The following MTUS2 variants were observed in gnomAD, a reference collection of about 807,000 sequenced individuals.
MTUS2 encodes microtubule associated scaffold protein 2, also known as microtubule-associated tumor suppressor candidate 2.
In MTUS2, 40 loss-of-function variants were observed where a neutral mutation model predicts 114.1. The observed-to-expected ratio is 0.35, with a 90% CI of 0.27 to 0.46. MTUS2 has a LOEUF of 0.46. Among genes scored for constraint, MTUS2 ranks in the 20% least tolerant of loss-of-function variants. The pLI is 1.00. For synonymous variants in MTUS2, 688 were observed against 672.0 expected, an observed-to-expected ratio of 1.02 and a Z score of -0.37; for missense variants, 1,679 against 1,705.4, an observed-to-expected ratio of 0.98 and a Z score of 0.27.
chr13:29,214,622 T>G (rs1895603379), intron 5 of MTUS2, among the ~76,000 whole-genome samples: 1 of 152,216 alleles, frequency 6.6e-6, no homozygotes, highest in Non-Finnish European at 1.5e-5. Context: ...CTTATGAAGC[T>G]TAGTTTGCCT....
chr13:29,359,113 G>A, intron 7 of MTUS2, 149 bp from the exon 8 acceptor site: 1 of 776,724 alleles, frequency 1.3e-6, no homozygotes, highest in Non-Finnish European at 2.0e-6. Flanking sequence ...GTCCCTGACT[G>A]TTTTTTCTTT....
At chr13:28,972,481 A>G (rs1372125949) in intron 2 of MTUS2, among the ~76,000 whole-genome samples, 1 of 152,250 alleles carries the variant, frequency 6.6e-6, no homozygotes, top group Non-Finnish European at 1.5e-5. Context: ...AATAAACAGT[A>G]TGCATTTGGA....
intron 8 of MTUS2, among the ~76,000 whole-genome samples, chr13:29,417,239 C>T (rs867193476): frequency 6.6e-6 from 1 of 152,074 alleles, no homozygotes; most frequent in Non-Finnish European, 1.5e-5. Context: ...ATTAAATGAC[C>T]AGCTCTCATG....
chr13:28,905,960 A>G (rs1426986152), intron 2 of MTUS2, among the ~76,000 whole-genome samples: 2 of 151,394 alleles, frequency 1.3e-5, no homozygotes, highest in African/African-American at 2.4e-5. Context: ...CAGAGATGCA[A>G]CTTCTTCCTG....
intron 5 of MTUS2, among the ~76,000 whole-genome samples, chr13:29,124,871 G>A (rs1031923035): frequency 7.2e-5 from 11 of 152,186 alleles, no homozygotes; most frequent in African/African-American, 2.7e-4. Context: ...CTAATAGGAG[G>A]TACCTGGAGT....
At chr13:29,370,828 G>A (rs535193897) in intron 8 of MTUS2, among the ~76,000 whole-genome samples, 278 of 152,296 alleles carry the variant, frequency 1.8e-3, no homozygotes, top group African/African-American at 6.5e-3. Flanking sequence ...GAAGTAAAGG[G>A]ATGGAGAAAC....
intron 9 of MTUS2, among the ~76,000 whole-genome samples, chr13:29,461,997 G>A (rs1879531324): frequency 6.6e-6 from 1 of 152,148 alleles, no homozygotes; most frequent in African/African-American, 2.4e-5. Flanking sequence ...AGGGAGCTGG[G>A]AGAAGGGATT....
At chr13:29,495,425 C>G (rs1436072664) in intron 12 of MTUS2, among the ~76,000 whole-genome samples, 2 of 148,702 alleles carry the variant, frequency 1.3e-5, no homozygotes, top group African/African-American at 4.9e-5. Flanking sequence ...AAGAAACCTA[C>G]TCAGGGAGGT....
intron 5 of MTUS2, among the ~76,000 whole-genome samples, chr13:29,239,108 C>T (rs1449984592): frequency 2.0e-5 from 3 of 152,162 alleles, no homozygotes; most frequent in African/African-American, 2.4e-5. Flanking sequence ...CAAGTGTTCT[C>T]ACCACAGACA....
chr13:28,962,693 A>G (rs1412001366), intron 2 of MTUS2, among the ~76,000 whole-genome samples: 1 of 152,082 alleles, frequency 6.6e-6, no homozygotes, highest in Non-Finnish European at 1.5e-5. Flanking sequence ...TCTTAGATTC[A>G]TTATTATTTT....
At chr13:29,314,846 T>C (rs961324374) in intron 6 of MTUS2, among the ~76,000 whole-genome samples, 3 of 152,332 alleles carry the variant, frequency 2.0e-5, no homozygotes, top group Admixed American at 6.5e-5. Flanking sequence ...GGAAAGGAGA[T>C]CAGAACATTG....
At chr13:29,319,572 C>G (rs915288187) in intron 6 of MTUS2, among the ~76,000 whole-genome samples, 2 of 152,166 alleles carry the variant, frequency 1.3e-5, no homozygotes, top group African/African-American at 4.8e-5. Flanking sequence ...CATTCTCAAG[C>G]CAGGATACTG....
intron 8 of MTUS2, among the ~76,000 whole-genome samples, chr13:29,391,593 C>T (rs1873470622): frequency 6.6e-6 from 1 of 151,434 alleles, no homozygotes; most frequent in Non-Finnish European, 1.5e-5. Context: ...GGGAATCTTC[C>T]TTTCTCACAC....
At chr13:29,290,490 T>C (rs1898662936) in intron 6 of MTUS2, among the ~76,000 whole-genome samples, 2 of 152,052 alleles carry the variant, frequency 1.3e-5, no homozygotes, top group Non-Finnish European at 2.9e-5. Context: ...CCACCACGCC[T>C]GGCTAATTTT....
intron 2 of MTUS2, among the ~76,000 whole-genome samples, chr13:28,902,523 GA>G (rs1191426422): frequency 6.6e-6 from 1 of 152,000 alleles, no homozygotes; most frequent in Non-Finnish European, 1.5e-5. Context: ...CTAACTTGCT[GA>G]GAGTATTTGT....
intron 6 of MTUS2, among the ~76,000 whole-genome samples, chr13:29,301,913 G>C (rs1899219995): frequency 6.6e-6 from 1 of 152,186 alleles, no homozygotes; most frequent in Non-Finnish European, 1.5e-5. Flanking sequence ...CCTTCTTGCT[G>C]TGTCCTCACC....
intron 2 of MTUS2, among the ~76,000 whole-genome samples, chr13:28,880,465 G>T (rs1229081371): frequency 1.3e-5 from 2 of 152,198 alleles, no homozygotes; most frequent in East Asian, 1.9e-4. Context: ...GTAAACAGTG[G>T]TGTATTCATG....
Position 29,308,617 on chromosome 13 carries a change from C to T in MTUS2, c.2807-15996C>T, listed in dbSNP as rs189999111. Among the ~76,000 whole-genome samples the T allele has an allele frequency of 3.3e-5, 5 of 152,256 alleles. 1 individual carries two copies. The East Asian group carries it at 7.7e-4, about 23-fold the overall frequency. On this transcript the variant is annotated intron_variant, in intron 6 of 15. Coordinates refer to ENST00000612955, the MANE Select transcript of MTUS2 (RefSeq NM_001033602.4). Reference sequence around the variant, plus strand: ...AACCATCATCAGAGTGAACAGGCAACCTACAGATTGGGATAAAATTTTTGC... The same window carrying T: ...AACCATCATCAGAGTGAACAGGCAATCTACAGATTGGGATAAAATTTTTGC...
chr13:29,096,170 A>G (rs1304275050), intron 4 of MTUS2, among the ~76,000 whole-genome samples: 2 of 152,170 alleles, frequency 1.3e-5, no homozygotes, highest in African/African-American at 4.8e-5. Context: ...ATCTACTTTA[A>G]TGAAGCCTAT....
Sources: allele counts gnomAD v4.1 joint callset (sites outside exome capture counted in the v4.1 genomes callset), GRCh38; gene constraint gnomAD v4.1.1; transcripts MANE v1.5; gene names NCBI Gene and HGNC (gene_info 2026-07-23, HGNC 2026-07-21).